The following CAMK1D variants were observed in gnomAD, a reference collection of about 807,000 sequenced individuals.
CAMK1D encodes the protein calcium/calmodulin-dependent protein kinase type 1D.
In CAMK1D, 9 loss-of-function variants were observed where a neutral mutation model predicts 47.7. That is an observed-to-expected ratio of 0.19 (90% CI 0.11 to 0.33). CAMK1D has a LOEUF of 0.33. Ranked by LOEUF, CAMK1D falls within the 10% of genes least tolerant of loss-of-function variation. The pLI, the probability that CAMK1D is intolerant of heterozygous loss-of-function variation, is 1.00. For missense variants in CAMK1D, 291 were observed against 488.7 expected, an observed-to-expected ratio of 0.60 and a Z score of 3.81; for synonymous variants, 184 against 184.9, an observed-to-expected ratio of 0.99 and a Z score of 0.04.
At chr10:12,540,021 C>T (rs1217672119) in intron 1 of CAMK1D, among the ~76,000 whole-genome samples, 1 of 152,124 alleles carries the variant, frequency 6.6e-6, no homozygotes, top group East Asian at 1.9e-4. Context: ...TCAGGCGATC[C>T]ACTCACCTCA....
At chr10:12,627,258 A>AT (rs1177119841) in intron 2 of CAMK1D, among the ~76,000 whole-genome samples, 2 of 150,838 alleles carry the variant, frequency 1.3e-5, no homozygotes, top group East Asian at 2.0e-4. Context: ...ATTTTTTTGT[A>AT]TTTTTTTAGT....
At chr10:12,572,091 T>C (rs963351426) in intron 2 of CAMK1D, among the ~76,000 whole-genome samples, 3 of 143,822 alleles carry the variant, frequency 2.1e-5, no homozygotes, top group African/African-American at 8.0e-5. Context: ...CCAAGCAGAA[T>C]TGGTACCAAA....
chr10:12,536,276 A>G (rs1835967407), intron 1 of CAMK1D, among the ~76,000 whole-genome samples: 1 of 150,688 alleles, frequency 6.6e-6, no homozygotes, highest in Non-Finnish European at 1.5e-5. Flanking sequence ...TCATGTCTTT[A>G]TTTTATTTTA....
At chr10:12,813,893 C>G (rs1047213803) in intron 6 of CAMK1D, among the ~76,000 whole-genome samples, 3 of 151,818 alleles carry the variant, frequency 2.0e-5, no homozygotes, top group Non-Finnish European at 4.4e-5. Context: ...CCACCTCAGC[C>G]TCCCAAGTAG....
At chr10:12,504,110 T>A (rs11257838) in intron 1 of CAMK1D, among the ~76,000 whole-genome samples, 25 of 129,888 alleles carry the variant, frequency 1.9e-4, no homozygotes, top group South Asian at 9.6e-4. Context: ...ATAAGATGGG[T>A]GTGTGTGTGT....
rs3802567 is a variant in CAMK1D, at chr10:12,778,409, G to A, written c.565+8610G>A. ...TTTGCAAGGACTGTGGCCTGTGGAG[G>A]CGGCACATCACTTCACTGATAGCAG... is the stretch of plus-strand genomic sequence containing the variant. On this transcript the variant is annotated intron_variant, in intron 5 of 10. Coordinates refer to ENST00000619168, the MANE Select transcript of CAMK1D (RefSeq NM_153498.4). 9.9e-3 allele frequency among the ~76,000 whole-genome samples: 1,501 copies of A among 152,294 alleles called. 21 individuals are homozygous for A. The highest frequency in any genetic ancestry group is 0.048 in the East Asian group (251 of 5,182).
At chr10:12,494,808 A>G (rs140310208) in intron 1 of CAMK1D, among the ~76,000 whole-genome samples, 1,835 of 152,220 alleles carry the variant, frequency 0.012, 44 homozygotes, top group African/African-American at 0.042. Flanking sequence ...ACCTCAGGTG[A>G]TCTGCCCACC....
chr10:12,491,655 G>A (rs758895331), intron 1 of CAMK1D, among the ~76,000 whole-genome samples: 1 of 151,966 alleles, frequency 6.6e-6, no homozygotes, highest in Non-Finnish European at 1.5e-5. Flanking sequence ...ATCGCCGAGA[G>A]GATGAACTGA....
At chr10:12,792,832 A>G (rs889962426) in intron 6 of CAMK1D, among the ~76,000 whole-genome samples, 5 of 152,224 alleles carry the variant, frequency 3.3e-5, no homozygotes, top group Non-Finnish European at 5.9e-5. Flanking sequence ...CACTTACAGA[A>G]TGCTTTCCCT....
intron 2 of CAMK1D, among the ~76,000 whole-genome samples, chr10:12,567,345 C>T (rs1024540487): frequency 6.6e-6 from 1 of 152,174 alleles, no homozygotes; most frequent in Non-Finnish European, 1.5e-5. Flanking sequence ...GCAGCTTTCC[C>T]ACGTACCATG....
At chr10:12,674,612 T>TTTTTTTTTTTTG (rs1840740564) in intron 3 of CAMK1D, among the ~76,000 whole-genome samples, 3 of 149,946 alleles carry the variant, frequency 2.0e-5, no homozygotes, top group African/African-American at 4.9e-5. Context: ...TTTTTTTTTT[T>TTTTTTTTTTTTG]TTTTTCAGAA....
chr10:12,421,348 T>G (rs981110939), intron 1 of CAMK1D, among the ~76,000 whole-genome samples: 3 of 152,092 alleles, frequency 2.0e-5, no homozygotes, highest in Admixed American at 2.0e-4. Flanking sequence ...ACAAGCCCAG[T>G]GTGCTTTGCC....
intron 1 of CAMK1D, among the ~76,000 whole-genome samples, chr10:12,446,820 T>A (rs1832938095): frequency 6.6e-6 from 1 of 152,212 alleles, no homozygotes; most frequent in African/African-American, 2.4e-5. Context: ...CTACCCTTCC[T>A]TCCCTGCTGT....
chr10:12,458,329 G>A (rs1266567959), intron 1 of CAMK1D, among the ~76,000 whole-genome samples: 2 of 152,176 alleles, frequency 1.3e-5, no homozygotes, highest in African/African-American at 4.8e-5. Context: ...AGAGAGGAAG[G>A]CGAGAGGAGT....
At chr10:12,765,958 CTTTTTTT>C (rs147498267) in intron 4 of CAMK1D, among the ~76,000 whole-genome samples, 14 of 86,508 alleles carry the variant, frequency 1.6e-4, no homozygotes, top group Non-Finnish European at 2.8e-4. Context: ...CCATCCTAAT[CTTTTTTT>C]TTTTTTTTTT....
intron 3 of CAMK1D, among the ~76,000 whole-genome samples, chr10:12,749,543 G>GTT (rs1281656402): frequency 7.6e-6 from 1 of 132,152 alleles, no homozygotes; most frequent in Non-Finnish European, 1.6e-5. Flanking sequence ...TTGTTTGTTT[G>GTT]TTTGTTTTTT....
intron 1 of CAMK1D, among the ~76,000 whole-genome samples, chr10:12,500,552 T>C (rs1376109611): frequency 6.6e-6 from 1 of 152,200 alleles, no homozygotes; most frequent in Non-Finnish European, 1.5e-5. Context: ...AGATTGAGAA[T>C]TCTACTGGAA....
chr10:12,586,253 A>G (rs983440101), intron 2 of CAMK1D, among the ~76,000 whole-genome samples: 6 of 152,154 alleles, frequency 3.9e-5, no homozygotes, highest in African/African-American at 1.2e-4. Context: ...ACACAAAACT[A>G]TAGCATTTCT....
chr10:12,590,561 C>T (rs2132360342), intron 2 of CAMK1D, among the ~76,000 whole-genome samples: 1 of 152,268 alleles, frequency 6.6e-6, no homozygotes, highest in Non-Finnish European at 1.5e-5. Flanking sequence ...CCCTTAGCAC[C>T]TAGGAGAGTA....
Sources: gnomAD v4.1 joint callset for allele counts (sites outside exome capture counted in the v4.1 genomes callset) on GRCh38, gnomAD v4.1.1 for gene constraint, MANE v1.5 for transcripts, NCBI Gene and HGNC (gene_info 2026-07-23, HGNC 2026-07-21) for gene names.